The following OTUD3 variants were observed in gnomAD, a reference collection of about 807,000 sequenced individuals.
OTUD3 encodes the protein OTU deubiquitinase 3.
OTUD3 carries 24 observed loss-of-function variants against 46.2 expected under a neutral mutation model. The observed-to-expected ratio is 0.52, with a 90% CI of 0.38 to 0.73. OTUD3 has a LOEUF of 0.73. Ranked by LOEUF, OTUD3 falls within the 30% of genes least tolerant of loss-of-function variation. OTUD3 has a pLI of 0.00. For missense variants in OTUD3, 455 were observed against 523.3 expected, an observed-to-expected ratio of 0.87 and a Z score of 1.27; for synonymous variants, 189 against 195.4, an observed-to-expected ratio of 0.97 and a Z score of 0.27.
intron 3 of OTUD3, among the ~76,000 whole-genome samples, chr1:19,896,703 AAGG>A (rs1284619765): frequency 6.6e-6 from 1 of 152,232 alleles, no homozygotes; most frequent in Non-Finnish European, 1.5e-5. Flanking sequence ...AGTTTAAACA[AAGG>A]AACCATTACT....
intron 3 of OTUD3, among the ~76,000 whole-genome samples, chr1:19,895,457 C>G (rs2045506145): frequency 6.6e-6 from 1 of 152,232 alleles, no homozygotes; most frequent in African/African-American, 2.4e-5. Flanking sequence ...CCCCAATACC[C>G]AGCCTCTTGT....
chr1:19,905,467 G>T (rs934902895), intron 6 of OTUD3, among the ~76,000 whole-genome samples: 1 of 152,110 alleles, frequency 6.6e-6, no homozygotes, highest in Non-Finnish European at 1.5e-5. Context: ...TAACGGCTGG[G>T]TGTGGTGGCT....
At position 19,912,855 on chromosome 1, in the gene OTUD3, C is replaced by T. The variant is rs565508606; in HGVS notation, c.*5109C>T. 2.0e-5 allele frequency: 3 copies of T among 152,308 alleles called. No individual in the cohort carries two copies. The highest frequency in any genetic ancestry group is 6.5e-5 in the Admixed American group (1 of 15,284). 9.4% of individuals were successfully genotyped at this position (152,308 alleles called of 1,614,324 possible). A position where few individuals can be genotyped will look rare whatever the true frequency, so the allele number is the denominator to read the frequency against. ...TTTCTTTTTTTGTGTTTTTAATCTT[C>T]GATACTTGGTGCAATAGAAGCTGCA... On this transcript the variant is annotated 3_prime_UTR_variant, in exon 8 of 8. Transcript: ENST00000375120.
Position 19,901,184 on chromosome 1 carries a change from A to G in OTUD3, c.607-3083A>G, listed in dbSNP as rs1234863500. ...CTTGGTCTCCCAAAGTGCTGGGGTTACAGGCGTGAGCCACCGTGCCCGGCC... is the reference window on the plus strand; with the variant it reads ...CTTGGTCTCCCAAAGTGCTGGGGTTGCAGGCGTGAGCCACCGTGCCCGGCC... On this transcript the variant is annotated intron_variant, in intron 4 of 7. Transcript: ENST00000375120. 5.3e-5 allele frequency among the ~76,000 whole-genome samples: 8 copies of G among 152,180 alleles called. No individual in the cohort carries two copies. The East Asian group carries it at 1.3e-3, about 26-fold the overall frequency.
At position 19,907,563 on chromosome 1, in the gene OTUD3, C is replaced by G. The variant is rs1422018584; in HGVS notation, c.1021-7C>G. On this transcript the variant is annotated splice_polypyrimidine_tract_variant and splice_region_variant and intron_variant, in intron 7 of 7. Transcript: ENST00000375120. ...TTCCTACTCACCACCATGGCCTTCTCTCTCAGGTCACAAACAAACAGAGGC... is the reference window on the plus strand; with the variant it reads ...TTCCTACTCACCACCATGGCCTTCTGTCTCAGGTCACAAACAAACAGAGGC... The G allele has an allele frequency of 1.2e-6, 2 of 1,613,834 alleles. No individual in the cohort carries two copies. Among genetic ancestry groups the G allele is most frequent in the Non-Finnish European group, 1.7e-6 (2 of 1,179,854 alleles).
chr1:19,886,558 C>T (rs1441921607), intron 1 of OTUD3, among the ~76,000 whole-genome samples: 1 of 152,122 alleles, frequency 6.6e-6, no homozygotes, highest in Non-Finnish European at 1.5e-5. Context: ...CCTGGGCTCT[C>T]CCCTAGATCA....
At chr1:19,888,603 G>A (rs930659827) in intron 1 of OTUD3, among the ~76,000 whole-genome samples, 2 of 152,070 alleles carry the variant, frequency 1.3e-5, no homozygotes, top group African/African-American at 2.4e-5. Context: ...GTTGACATTC[G>A]AGCGAGAGCC....
intron 1 of OTUD3, among the ~76,000 whole-genome samples, chr1:19,887,403 T>C (rs1018504664): frequency 6.6e-6 from 1 of 152,176 alleles, no homozygotes; most frequent in African/African-American, 2.4e-5. Context: ...TCATATTTTC[T>C]TATATGACCG....
intron 1 of OTUD3, among the ~76,000 whole-genome samples, chr1:19,888,038 C>G (rs563726448): frequency 9.2e-5 from 14 of 152,242 alleles, no homozygotes; most frequent in African/African-American, 2.9e-4. Flanking sequence ...CCATATATCC[C>G]TATAACACAG....
chr1:19,906,049 A>T (rs562793357), intron 6 of OTUD3, among the ~76,000 whole-genome samples: 5 of 152,234 alleles, frequency 3.3e-5, no homozygotes, highest in Admixed American at 1.3e-4. Context: ...ATTTTAATTT[A>T]AATGTAAATG....
rs72954830 is a variant in OTUD3, at chr1:19,906,757, A to G, written c.1020+141A>G. ...GAAAATCTGGGGAATGCATAAAGCT[A>G]CATCAAGAAGCAGAATGACCTCACT... On this transcript the variant is annotated intron_variant, in intron 7 of 7. Coordinates refer to ENST00000375120, the MANE Select transcript of OTUD3 (RefSeq NM_015207.2). 1,928 of 749,044 alleles carry G rather than the reference A, an allele frequency of 2.6e-3. 25 individuals are homozygous for G. In the African/African-American group the frequency reaches 0.029, roughly 11 times the overall value. The allele number at this position is 749,044 out of a possible 1,614,324, so 46.4% of individuals were successfully genotyped here.
chr1:19,886,741 A>T (rs1311498528), intron 1 of OTUD3, among the ~76,000 whole-genome samples: 1 of 152,206 alleles, frequency 6.6e-6, no homozygotes, highest in East Asian at 1.9e-4. Flanking sequence ...GCTAGTGAAA[A>T]CACCTGGAAG....
At chr1:19,890,596 G>A (rs2045433047) in intron 2 of OTUD3, 63 bp downstream of exon 2, 1 of 1,400,022 alleles carries the variant, frequency 7.1e-7, no homozygotes, top group Admixed American at 1.7e-5. Context: ...AAGTCCACTG[G>A]CATCCTCCCC....
rs1312080522 is a variant in OTUD3 at position 19,890,703 on chromosome 1, T to TG, written c.370+174dup. 2.0e-5 allele frequency among the ~76,000 whole-genome samples: 3 copies of TG among 152,200 alleles called. No individual in the cohort carries two copies. The East Asian group carries it at 5.8e-4, about 29-fold the overall frequency. On this transcript the variant is annotated intron_variant, in intron 2 of 7. Coordinates refer to ENST00000375120, the MANE Select transcript of OTUD3 (RefSeq NM_015207.2). ...GGTTATCGGCAGTATGCTAGGTAGT[T>TG]GGGGATCAGTAGGTTTAGCTGTATA...
chr1:19,904,949 T>A lies in OTUD3; in HGVS notation c.797T>A (p.Ile266Lys). The change falls in exon 6 of 8, where the codon ATA becomes AAA. Residue 266 changes from isoleucine to lysine, a missense_variant. Ile to Lys is a moderately radical substitution (Grantham distance 102). Transcript: ENST00000375120. The stretch of plus-strand genomic sequence containing the variant: ...GAAAATTATAATATTGAATCTGCAA[T>A]AATTGCCGTGCTTCGGATGAACCAA... ...EAENYNIESA[I>K]IAVLRMNQGK... 1 of 1,595,708 alleles carries A rather than the reference T, an allele frequency of 6.3e-7. No homozygotes were observed. Among genetic ancestry groups the A allele is most frequent in the Non-Finnish European group, 8.6e-7 (1 of 1,164,044 alleles).
At chr1:19,897,388 G>T in intron 3 of OTUD3, 152 bp from the exon 4 acceptor site, 2 of 593,238 alleles carry the variant, frequency 3.4e-6, no homozygotes, top group East Asian at 3.0e-5. Context: ...GAGGTAGTTT[G>T]GAAATTGCTT....
At position 19,911,841 on chromosome 1, in the gene OTUD3, G is replaced by A. The variant is rs2045737195; in HGVS notation, c.*4095G>A. 6.6e-6 allele frequency: 1 copy of A among 152,386 alleles called. No homozygotes were observed. Among genetic ancestry groups the A allele is most frequent in the Admixed American group, 6.5e-5 (1 of 15,284 alleles). 9.4% of individuals were successfully genotyped at this position (152,386 alleles called of 1,614,324 possible). A position where few individuals can be genotyped will look rare whatever the true frequency, so the allele number is the denominator to read the frequency against. ...TCACCACGTGCACTTAGGATGCAGA[G>A]CTTACCGCACACCGCTGATGGGGAC... On this transcript the variant is annotated 3_prime_UTR_variant, in exon 8 of 8. Transcript: ENST00000375120.
At position 19,903,176 on chromosome 1, in the gene OTUD3, T is replaced by C. The variant is rs1023781049; in HGVS notation, c.607-1091T>C. Among the ~76,000 whole-genome samples, 3 of 149,796 alleles carry C rather than the reference T, an allele frequency of 2.0e-5. No individual in the cohort carries two copies. The Admixed American group carries it at 2.0e-4, about 10-fold the overall frequency. On this transcript the variant is annotated intron_variant, in intron 4 of 7. Coordinates refer to ENST00000375120, the MANE Select transcript of OTUD3 (RefSeq NM_015207.2). ...CATCCTCCCAGCTCAGCCTCCTGAA[T>C]AGCTGGGACTACAGGTGCATGCCAC...
intron 2 of OTUD3, among the ~76,000 whole-genome samples, chr1:19,893,696 A>G (rs1420794010): frequency 1.3e-5 from 2 of 152,232 alleles, no homozygotes; most frequent in Non-Finnish European, 2.9e-5. Flanking sequence ...CCAGAGGTTT[A>G]GAAGTGACCT....
Sources: allele counts gnomAD v4.1 joint callset (sites outside exome capture counted in the v4.1 genomes callset), GRCh38; gene constraint gnomAD v4.1.1; transcripts MANE v1.5; gene names NCBI Gene and HGNC (gene_info 2026-07-23, HGNC 2026-07-21).